Variants in ADAMTS12 observed in about 807,000 individuals in gnomAD.
ADAMTS12 encodes the protein A disintegrin and metalloproteinase with thrombospondin motifs 12.
A neutral mutation model predicts 167.8 loss-of-function variants in ADAMTS12; 118 were observed. That is an observed-to-expected ratio of 0.70 (90% confidence interval 0.61 to 0.82). The LOEUF (loss-of-function observed/expected upper bound fraction) is 0.82, where lower values mean the gene tolerates loss of function less well. Among genes scored for constraint, ADAMTS12 ranks in the 40% least tolerant of loss-of-function variants. ADAMTS12 has a pLI of 0.00. For synonymous variants in ADAMTS12, 704 were observed against 716.9 expected (o/e 0.98, Z 0.29); for missense variants, 1,916 against 1,998.8 (o/e 0.96, Z 0.79).
At chr5:33,720,504 T>A (rs1743772671) in intron 3 of ADAMTS12, among the ~76,000 whole-genome samples, 1 of 152,200 alleles carries the variant, frequency 6.6e-6, no homozygotes, top group Admixed American at 6.5e-5. Flanking sequence ...CACCTGTGTT[T>A]ACATCAATAA....
At position 33,641,872 on chromosome 5, in the gene ADAMTS12, G is replaced by C. The variant is rs762225827; in HGVS notation, c.1656C>G (p.Ser552=). 3.1e-6 allele frequency: 5 copies of C among 1,613,804 alleles called. No homozygotes were observed. In the South Asian group the frequency reaches 5.5e-5, roughly 18 times the overall value. ...PGGWGRWSPW[S]HCSRTCGAGV... The stretch of plus-strand genomic sequence containing the variant: ...CAGCCCCACAGGTCCTGGAACAGTG[G>C]GACCAGGGTGACCAGCGGCCCCAGC... The change falls in exon 11 of 24, where the codon TCC becomes TCG. Residue 552 remains serine, a synonymous_variant. Transcript: ENST00000504830.
intron 2 of ADAMTS12, among the ~76,000 whole-genome samples, chr5:33,856,730 T>C (rs1241054298): frequency 6.6e-6 from 1 of 152,086 alleles, no homozygotes; most frequent in Non-Finnish European, 1.5e-5. Context: ...AGAATGGCTA[T>C]TATAAAAAAG....
intron 19 of ADAMTS12, among the ~76,000 whole-genome samples, 153 bp downstream of exon 19, chr5:33,575,901 A>G (rs1416885449): frequency 6.6e-6 from 1 of 152,164 alleles, no homozygotes; most frequent in East Asian, 1.9e-4. Context: ...TTATGGGGGT[A>G]AGGAGGGAGG....
Position 33,588,721 on chromosome 5 carries a change from C to A in ADAMTS12, c.2743G>T (p.Val915Phe), listed in dbSNP as rs1248382494. The A allele has an allele frequency of 3.1e-6, 5 of 1,614,136 alleles. No homozygotes were observed. The highest frequency in any genetic ancestry group is 2.2e-5 in the East Asian group (1 of 44,878). ...GGCGGGAGAGCCTGCTCGTCAGAGA[C>A]CATGGTCTGGATGCACAGCACGGTT... ...KRTVLCIQTMVSDEQALPPTD... is the reference protein window; with the variant it reads ...KRTVLCIQTMFSDEQALPPTD... The change falls in exon 18 of 24, where the codon GTC becomes TTC. Residue 915 changes from valine (V) to phenylalanine (F), a missense_variant. Coordinates refer to ENST00000504830, the MANE Select transcript of ADAMTS12 (RefSeq NM_030955.4).
At chr5:33,632,130 G>C (rs989173154) in intron 12 of ADAMTS12, among the ~76,000 whole-genome samples, 2 of 152,170 alleles carry the variant, frequency 1.3e-5, no homozygotes, top group Non-Finnish European at 2.9e-5. Context: ...AAAGAGATAA[G>C]TGAACTAGTT....
At position 33,527,164 on chromosome 5, in the gene ADAMTS12, G is replaced by C; in HGVS notation, c.*24C>G. ...ATGGTCAGCAGGCTGCTGCAGTCTGGTGGAAGCTGGCTTCCTTTTGGGCTT... is the reference window on the plus strand; with the variant it reads ...ATGGTCAGCAGGCTGCTGCAGTCTGCTGGAAGCTGGCTTCCTTTTGGGCTT... On this transcript the variant is annotated 3_prime_UTR_variant, in exon 24 of 24. Coordinates refer to ENST00000504830, the MANE Select transcript of ADAMTS12 (RefSeq NM_030955.4). 4 of 1,613,496 alleles carry C rather than the reference G, an allele frequency of 2.5e-6. No homozygotes were observed. Among genetic ancestry groups the C allele is most frequent in the Non-Finnish European group, 3.4e-6 (4 of 1,179,548 alleles).
At chr5:33,681,841 C>T (rs1348997358) in intron 5 of ADAMTS12, among the ~76,000 whole-genome samples, 1 of 152,092 alleles carries the variant, frequency 6.6e-6, no homozygotes, top group East Asian at 1.9e-4. Context: ...AAGAGAGTAA[C>T]ATAACCAAAG....
chr5:33,850,246 T>C (rs1302133379), intron 2 of ADAMTS12, among the ~76,000 whole-genome samples: 1 of 152,174 alleles, frequency 6.6e-6, no homozygotes, highest in African/African-American at 2.4e-5. Flanking sequence ...GGATGTGGCA[T>C]GGTCTCACAT....
intron 3 of ADAMTS12, among the ~76,000 whole-genome samples, chr5:33,740,823 T>C (rs2112370836): frequency 6.6e-6 from 1 of 152,136 alleles, no homozygotes; most frequent in South Asian, 2.1e-4. Context: ...AGGGAGAAAG[T>C]GACAGAGAAC....
chr5:33,707,690 C>T (rs1431261736), intron 3 of ADAMTS12, among the ~76,000 whole-genome samples: 1 of 152,098 alleles, frequency 6.6e-6, no homozygotes, highest in Non-Finnish European at 1.5e-5. Flanking sequence ...CTGAGAAAAA[C>T]AAGCAATAGG....
chr5:33,618,665 G>A (rs562306790), intron 14 of ADAMTS12, among the ~76,000 whole-genome samples: 4 of 152,214 alleles, frequency 2.6e-5, no homozygotes, highest in African/African-American at 4.8e-5. Context: ...AATTCCCCTG[G>A]TGTGGTGTCT....
In ADAMTS12 at chr5:33,746,949, C is replaced by T. The variant is rs544964638; in HGVS notation, c.634+4455G>A. 1.1e-4 allele frequency among the ~76,000 whole-genome samples: 17 copies of T among 152,272 alleles called. No homozygotes were observed. The South Asian group carries it at 3.3e-3, about 30-fold the overall frequency. ...CTAACCTGCCCTTTTGGATGGCCTG[C>T]CCATGAATTTGGGACTTGCCTAGCC... On this transcript the variant is annotated intron_variant, in intron 3 of 23. Coordinates refer to ENST00000504830, the MANE Select transcript of ADAMTS12 (RefSeq NM_030955.4).
intron 2 of ADAMTS12, among the ~76,000 whole-genome samples, chr5:33,757,899 C>T (rs1745221706): frequency 6.6e-6 from 1 of 152,174 alleles, no homozygotes; most frequent in Non-Finnish European, 1.5e-5. Flanking sequence ...TTGCTCATTT[C>T]ATCATAGCAT....
At chr5:33,536,300 G>A (rs1028898869) in intron 22 of ADAMTS12, among the ~76,000 whole-genome samples, 1 of 152,120 alleles carries the variant, frequency 6.6e-6, no homozygotes, top group Non-Finnish European at 1.5e-5. Context: ...CACACCTGGT[G>A]ACTTTTTCCT....
At chr5:33,568,490 A>G (rs953547883) in intron 19 of ADAMTS12, among the ~76,000 whole-genome samples, 1 of 152,210 alleles carries the variant, frequency 6.6e-6, no homozygotes, top group Non-Finnish European at 1.5e-5. Flanking sequence ...CCAGAGAGAT[A>G]GCAGATCAGA....
At chr5:33,668,909 G>C (rs13181942) in intron 5 of ADAMTS12, among the ~76,000 whole-genome samples, 138,028 of 152,262 alleles carry the variant, frequency 0.91, 63,247 homozygotes, top group Admixed American at 0.96. Flanking sequence ...CAAATATCTT[G>C]ATTCAATAGC....
chr5:33,751,528 T>G lies in ADAMTS12; in HGVS notation c.510A>C (p.Pro170=). Residue 170 remains proline (P), a synonymous_variant, in exon 3 of 24, where the codon CCA becomes CCC. Transcript: ENST00000504830. ...CHGLTGFFQL[P]HGDFFIEPVK... Reference sequence around the variant, plus strand: ...CGGGTTCAATGAAAAAGTCTCCATGTGGTAGTTGGAAAAATCCAGTCTGTA... The same window carrying G: ...CGGGTTCAATGAAAAAGTCTCCATGGGGTAGTTGGAAAAATCCAGTCTGTA... 1 of 1,613,996 alleles carries G rather than the reference T, an allele frequency of 6.2e-7. No individual in the cohort carries two copies. Among genetic ancestry groups the G allele is most frequent in the South Asian group, 1.1e-5 (1 of 91,022 alleles).
intron 18 of ADAMTS12, among the ~76,000 whole-genome samples, chr5:33,578,012 G>A (rs1167129337): frequency 6.6e-6 from 1 of 152,164 alleles, no homozygotes; most frequent in Non-Finnish European, 1.5e-5. Context: ...TGGCAGATAT[G>A]GAGTTGCTAT....
At chr5:33,596,175 T>C in intron 16 of ADAMTS12, 115 bp from the exon 17 acceptor site, 1 of 1,360,304 alleles carries the variant, frequency 7.4e-7, no homozygotes, top group Non-Finnish European at 1.0e-6. Context: ...GGAAAGTTGT[T>C]CAAAAGTTAC....
Sources: allele counts gnomAD v4.1 joint callset (sites outside exome capture counted in the v4.1 genomes callset), GRCh38; gene constraint gnomAD v4.1.1; transcripts MANE v1.5; gene names NCBI Gene and HGNC (gene_info 2026-07-23, HGNC 2026-07-21).